The following LSAMP variants were observed in gnomAD, a reference collection of about 807,000 sequenced individuals.
LSAMP encodes limbic system-associated membrane protein.
A neutral mutation model predicts 38.6 loss-of-function variants in LSAMP; 7 were observed. The ratio of observed to expected loss-of-function variants is 0.18; its 90% confidence interval spans 0.10 to 0.34. The LOEUF (loss-of-function observed/expected upper bound fraction) is 0.34, where lower values mean the gene tolerates loss of function less well. Among genes scored for constraint, LSAMP ranks in the 10% least tolerant of loss-of-function variants. LSAMP has a pLI of 1.00. For synonymous variants in LSAMP, 154 were observed against 166.8 expected (o/e 0.92, Z 0.59); for missense variants, 313 against 420.0 (o/e 0.75, Z 2.23).
intron 1 of LSAMP, among the ~76,000 whole-genome samples, chr3:116,399,376 A>G (rs1446437045): frequency 6.6e-6 from 1 of 152,188 alleles, no homozygotes; most frequent in African/African-American, 2.4e-5. Flanking sequence ...GCAAGAAATA[A>G]TATGGGCCTG....
chr3:115,989,417 T>TG (rs1194778813), intron 3 of LSAMP, among the ~76,000 whole-genome samples: 6 of 152,156 alleles, frequency 3.9e-5, no homozygotes, highest in African/African-American at 1.4e-4. Flanking sequence ...CAATGAAGCT[T>TG]GTTAGTGGTC....
At chr3:116,036,553 A>G (rs376222620) in intron 2 of LSAMP, among the ~76,000 whole-genome samples, 51 of 152,246 alleles carry the variant, frequency 3.3e-4, no homozygotes, top group Middle Eastern at 3.4e-3. Flanking sequence ...GCCCACCCCA[A>G]TTATAAATCT....
intron 1 of LSAMP, among the ~76,000 whole-genome samples, chr3:116,414,545 C>T (rs538254322): frequency 2.0e-5 from 3 of 152,054 alleles, no homozygotes; most frequent in Non-Finnish European, 4.4e-5. Flanking sequence ...AATCGTCCAA[C>T]GTTTGGTTCT....
chr3:116,165,299 T>C (rs1306375635), intron 1 of LSAMP, among the ~76,000 whole-genome samples: 1 of 152,200 alleles, frequency 6.6e-6, no homozygotes, highest in Non-Finnish European at 1.5e-5. Context: ...TGCAGCTTTC[T>C]CCTCTTGTGT....
chr3:115,977,129 T>C (rs1939212267), intron 3 of LSAMP, among the ~76,000 whole-genome samples: 1 of 152,096 alleles, frequency 6.6e-6, no homozygotes, highest in African/African-American at 2.4e-5. Flanking sequence ...TGAGAAGATT[T>C]AGAATGACCC....
intron 1 of LSAMP, among the ~76,000 whole-genome samples, chr3:116,090,976 C>G (rs1276693089): frequency 6.6e-6 from 1 of 152,120 alleles, no homozygotes; most frequent in Non-Finnish European, 1.5e-5. Flanking sequence ...TGAGATCAAC[C>G]GTCTGACCAA....
chr3:116,381,527 T>TTCC (rs2048558616), intron 1 of LSAMP, among the ~76,000 whole-genome samples: 1 of 152,098 alleles, frequency 6.6e-6, no homozygotes, highest in Non-Finnish European at 1.5e-5. Flanking sequence ...TAATGCTATC[T>TTCC]TAAAATGACA....
intron 1 of LSAMP, among the ~76,000 whole-genome samples, chr3:116,186,411 C>T (rs927602513): frequency 6.6e-6 from 1 of 152,032 alleles, no homozygotes; most frequent in Non-Finnish European, 1.5e-5. Context: ...ATACAGGGTA[C>T]ATTTTTAGTT....
intron 1 of LSAMP, among the ~76,000 whole-genome samples, chr3:116,408,554 A>C (rs1221475731): frequency 6.6e-6 from 1 of 152,070 alleles, no homozygotes; most frequent in East Asian, 1.9e-4. Flanking sequence ...TTTACACTCA[A>C]CACATTGAAA....
At chr3:116,437,692 G>C (rs1214700183) in intron 1 of LSAMP, among the ~76,000 whole-genome samples, 1 of 151,656 alleles carries the variant, frequency 6.6e-6, no homozygotes. Flanking sequence ...GGAGAGAAAA[G>C]GAGAGGAAGG....
intron 1 of LSAMP, among the ~76,000 whole-genome samples, chr3:116,441,707 T>C (rs2049438155): frequency 6.6e-6 from 1 of 152,210 alleles, no homozygotes. Context: ...GAGCTGGTAA[T>C]GAGGCAGGTA....
At chr3:115,825,461 A>G (rs1484086660) in intron 6 of LSAMP, among the ~76,000 whole-genome samples, 1 of 152,192 alleles carries the variant, frequency 6.6e-6, no homozygotes, top group Admixed American at 6.5e-5. Flanking sequence ...CTATTTCTAC[A>G]ACTAAAATAA....
At chr3:115,838,218 C>G (rs1223564239) in intron 6 of LSAMP, 1 of 152,212 alleles carries the variant, frequency 6.6e-6, no homozygotes, top group African/African-American at 2.4e-5. Flanking sequence ...TAGCATAGTA[C>G]ATACTGCAGA....
chr3:116,358,281 G>T (rs886547425), intron 1 of LSAMP, among the ~76,000 whole-genome samples: 3 of 152,122 alleles, frequency 2.0e-5, no homozygotes, highest in Admixed American at 1.3e-4. Context: ...GGCAACACAA[G>T]AATTTATTCT....
At chr3:116,216,452 T>G (rs1233456759) in intron 1 of LSAMP, among the ~76,000 whole-genome samples, 1 of 152,186 alleles carries the variant, frequency 6.6e-6, no homozygotes, top group Non-Finnish European at 1.5e-5. Flanking sequence ...ATTAGTCTAT[T>G]TTTCCTGAAA....
At chr3:116,179,965 A>C (rs1455886242) in intron 1 of LSAMP, among the ~76,000 whole-genome samples, 2 of 152,222 alleles carry the variant, frequency 1.3e-5, no homozygotes, top group Non-Finnish European at 2.9e-5. Flanking sequence ...TGGCCAAAGA[A>C]GTAGTATTTG....
At chr3:116,336,901 T>TA (rs1380821230) in intron 1 of LSAMP, among the ~76,000 whole-genome samples, 1 of 151,546 alleles carries the variant, frequency 6.6e-6, no homozygotes, top group Non-Finnish European at 1.5e-5. Context: ...AAGTGTTCAT[T>TA]AAAAAATGGA....
chr3:115,892,061 C>T (rs1434966544), intron 3 of LSAMP, among the ~76,000 whole-genome samples: 2 of 151,870 alleles, frequency 1.3e-5, no homozygotes, highest in Non-Finnish European at 2.9e-5. Flanking sequence ...TTACCCAGTA[C>T]AAGAATTATA....
chr3:115,829,076 C>T (rs1934522684), intron 6 of LSAMP, among the ~76,000 whole-genome samples: 1 of 152,188 alleles, frequency 6.6e-6, no homozygotes, highest in Non-Finnish European at 1.5e-5. Context: ...AGAAATAACA[C>T]TTCCAAGCCC....
Sources: allele counts gnomAD v4.1 joint callset (sites outside exome capture counted in the v4.1 genomes callset), GRCh38; gene constraint gnomAD v4.1.1; transcripts MANE v1.5; gene names NCBI Gene and HGNC (gene_info 2026-07-23, HGNC 2026-07-21).